The following ANK2 variants were observed in gnomAD, a reference collection of about 807,000 sequenced individuals.
ANK2 encodes ankyrin-2.
ANK2 carries 83 observed loss-of-function variants against 360.5 expected under a neutral mutation model. The observed-to-expected ratio is 0.23, with a 90% CI of 0.19 to 0.28. The LOEUF (loss-of-function observed/expected upper bound fraction) is 0.28, where lower values mean the gene tolerates loss of function less well. Among genes scored for constraint, ANK2 ranks in the 10% least tolerant of loss-of-function variants. The pLI, the probability that ANK2 is intolerant of heterozygous loss-of-function variation, is 1.00. For synonymous variants in ANK2, 1,740 were observed against 1,759.5 expected, an observed-to-expected ratio of 0.99 and a Z score of 0.28; for missense variants, 4,201 against 4,795.7, an observed-to-expected ratio of 0.88 and a Z score of 3.66.
intron 2 of ANK2, among the ~76,000 whole-genome samples, chr4:113,191,668 T>C (rs949172544): frequency 1.3e-5 from 2 of 152,228 alleles, no homozygotes; most frequent in Non-Finnish European, 2.9e-5. Flanking sequence ...ACTGTTTGCA[T>C]GTAACTGGGA....
chr4:112,707,360 T>C, the ANK2 span, among the ~76,000 whole-genome samples: 2 of 152,238 alleles, frequency 1.3e-5, no homozygotes, highest in African/African-American at 4.8e-5. Context: ...TATGGGCATT[T>C]TTTAATGCAA....
At chr4:113,307,526 G>T (rs1207678407) in intron 23 of ANK2, among the ~76,000 whole-genome samples, 1 of 147,810 alleles carries the variant, frequency 6.8e-6, no homozygotes, top group Non-Finnish European at 1.5e-5. Context: ...CCTGCCTTTA[G>T]CTCCCAGAGT....
chr4:113,211,525 A>G (rs1189933323), intron 4 of ANK2, among the ~76,000 whole-genome samples: 2 of 152,182 alleles, frequency 1.3e-5, no homozygotes, highest in Non-Finnish European at 2.9e-5. Flanking sequence ...TGGAAGCAAT[A>G]AAATGTAGAT....
rs142845620 is a variant in ANK2 at position 113,339,473 on chromosome 4, A to G, written c.3893+151A>G. 24 of 689,064 alleles carry G rather than the reference A, an allele frequency of 3.5e-5. No homozygotes were observed. The East Asian group carries it at 6.5e-4, about 19-fold the overall frequency. The allele number at this position is 689,064 out of a possible 1,614,324, so 42.7% of individuals were successfully genotyped here. A position where few individuals can be genotyped will look rare whatever the true frequency, so the allele number is the denominator to read the frequency against. On this transcript the variant is annotated intron_variant, in intron 32 of 45. Transcript: ENST00000357077. ...CCTTTGCTTTTATATTTTAAACTAG[A>G]TCTGTCAGCAAGTGGAATAGTGATA...
the ANK2 span, among the ~76,000 whole-genome samples, chr4:112,737,311 G>GT: frequency 1.3e-5 from 2 of 152,194 alleles, no homozygotes; most frequent in Non-Finnish European, 2.9e-5. Flanking sequence ...CAGGAAATAT[G>GT]TAAGTTCTCT....
chr4:112,719,726 CAA>C, the ANK2 span, among the ~76,000 whole-genome samples: 52 of 101,472 alleles, frequency 5.1e-4, no homozygotes, highest in Admixed American at 5.7e-4. Context: ...GACTCCGACT[CAA>C]AAAAAAAAAA....
At chr4:113,315,781 C>T (rs547737256) in intron 24 of ANK2, among the ~76,000 whole-genome samples, 1 of 151,826 alleles carries the variant, frequency 6.6e-6, no homozygotes, top group East Asian at 1.9e-4. Context: ...CGCCTGTAGT[C>T]CCAGCTACTC....
chr4:113,230,872 T>G (rs1011734852), intron 4 of ANK2, among the ~76,000 whole-genome samples: 4 of 152,196 alleles, frequency 2.6e-5, no homozygotes, highest in Non-Finnish European at 5.9e-5. Flanking sequence ...TGTTTATCAC[T>G]GTAGCTCCGT....
At chr4:112,832,158 T>G (rs1359043060) in intron 1 of ANK2, among the ~76,000 whole-genome samples, 1 of 152,216 alleles carries the variant, frequency 6.6e-6, no homozygotes, top group African/African-American at 2.4e-5. Context: ...TTCAAGCAAT[T>G]GTCCTGCCTC....
intron 1 of ANK2, among the ~76,000 whole-genome samples, chr4:113,164,452 T>A (rs2097680137): frequency 6.6e-6 from 1 of 152,228 alleles, no homozygotes. Flanking sequence ...CTGAATAATT[T>A]AATACTAAAC....
the ANK2 span, among the ~76,000 whole-genome samples, chr4:112,731,910 G>A: frequency 6.6e-6 from 1 of 152,162 alleles, no homozygotes; most frequent in Admixed American, 6.5e-5. Context: ...CAAGCCTTAG[G>A]TTCTCAAGTA....
the ANK2 span, among the ~76,000 whole-genome samples, chr4:112,802,082 C>T: frequency 5.3e-5 from 8 of 151,934 alleles, no homozygotes; most frequent in Admixed American, 2.6e-4. Context: ...TCCTGGTTTC[C>T]GGTTTGGCTA....
the ANK2 span, among the ~76,000 whole-genome samples, chr4:112,715,048 T>G: frequency 1.5e-4 from 23 of 152,190 alleles, no homozygotes; most frequent in Admixed American, 3.3e-4. Context: ...AGGAATCAGC[T>G]GGGGTGACTA....
intron 1 of ANK2, among the ~76,000 whole-genome samples, chr4:112,842,930 G>C (rs1406639939): frequency 6.6e-6 from 1 of 152,248 alleles, no homozygotes; most frequent in Admixed American, 6.5e-5. Flanking sequence ...GCTCTCTGAA[G>C]GCTCTAGGGA....
At chr4:112,860,001 G>A (rs180897049) in intron 1 of ANK2, among the ~76,000 whole-genome samples, 18 of 152,256 alleles carry the variant, frequency 1.2e-4, no homozygotes, top group Non-Finnish European at 1.8e-4. Flanking sequence ...GTGTTGTTGC[G>A]TCAATTGGAT....
At chr4:112,751,913 G>T in the ANK2 span, among the ~76,000 whole-genome samples, 1 of 152,208 alleles carries the variant, frequency 6.6e-6, no homozygotes, top group Admixed American at 6.5e-5. Flanking sequence ...AGTGTAGCCT[G>T]TGAAATGTTA....
At chr4:112,709,898 T>G in the ANK2 span, among the ~76,000 whole-genome samples, 1 of 152,174 alleles carries the variant, frequency 6.6e-6, no homozygotes. Flanking sequence ...AAAACTTCAG[T>G]GTCATTCTCT....
rs2153942439 is a variant in ANK2, at chr4:113,333,091, C to G, written c.3262C>G (p.Arg1088Gly). 1 of 1,614,030 alleles carries G rather than the reference C, an allele frequency of 6.2e-7. No homozygotes were observed. Among genetic ancestry groups the G allele is most frequent in the Non-Finnish European group, 8.5e-7 (1 of 1,180,016 alleles). ...IVEIPHFAAL[R>G]GKERELVVLR... is the part of the protein sequence containing the mutation. ...GGAGATCCCTCACTTTGCGGCCCTT[C>G]GAGGAAAGGAAAGGGAACTGGTGGT... The change falls in exon 29 of 46, where the codon CGA becomes GGA. Residue 1088 changes from arginine (R) to glycine (G), a missense_variant. Physicochemically the swap from Arg to Gly is moderately radical, Grantham distance 125. Transcript: ENST00000357077.
chr4:112,911,647 A>T (rs1325497570), intron 2 of ANK2, among the ~76,000 whole-genome samples: 3 of 151,468 alleles, frequency 2.0e-5, no homozygotes, highest in South Asian at 2.1e-4. Context: ...TTTTAAACAA[A>T]CTCTGTTGCT....
Sources: allele counts gnomAD v4.1 joint callset (sites outside exome capture counted in the v4.1 genomes callset), GRCh38; gene constraint gnomAD v4.1.1; transcripts MANE v1.5; gene names NCBI Gene and HGNC (gene_info 2026-07-23, HGNC 2026-07-21).